ZNF112: variants seen among roughly 807,000 people sequenced by gnomAD.
The protein encoded by ZNF112 is zinc finger protein 112 (Y14).
ZNF112 carries 37 observed loss-of-function variants against 77.7 expected under a neutral mutation model. The ratio of observed to expected loss-of-function variants is 0.48; its 90% confidence interval spans 0.37 to 0.63. ZNF112 has a LOEUF of 0.63. Ranked by LOEUF, ZNF112 falls within the 20% of genes least tolerant of loss-of-function variation. The pLI is 0.00. For synonymous variants in ZNF112, 333 were observed against 363.6 expected (o/e 0.92, Z 0.96); for missense variants, 950 against 1,077.4 (o/e 0.88, Z 1.66).
rs746134196 is a variant in ZNF112 at position 44,328,477 on chromosome 19, T to C, written c.1680A>G (p.Ser560=). 7 of 1,614,002 alleles carry C rather than the reference T, an allele frequency of 4.3e-6. No homozygotes were observed. Among genetic ancestry groups the C allele is most frequent in the African/African-American group, 4.0e-5 (3 of 74,930 alleles). Residue 560 remains serine, a synonymous_variant, in exon 4 of 4, where the codon TCA becomes TCG. Transcript: ENST00000354340. ...GGACTCTCTGATGGGCTTGAAGATA[T>C]GAACTCCGACTGAATCCCTTATCAC... ...EECDKGFSRS[S]YLQAHQRVHT... is the part of the protein sequence containing the mutation.
intron 1 of ZNF112, among the ~76,000 whole-genome samples, chr19:44,344,224 C>A (rs776269350): frequency 2.0e-5 from 3 of 152,130 alleles, no homozygotes; most frequent in Admixed American, 6.5e-5. Flanking sequence ...TGTGGGGCTG[C>A]GTGTGCTCCT....
chr19:44,360,113 G>A (rs145785016), upstream of ZNF112, among the ~76,000 whole-genome samples: 5,507 of 146,318 alleles, frequency 0.038, 334 homozygotes, highest in African/African-American at 0.13. Flanking sequence ...AAAAAAAGCC[G>A]GGCATGGTGG....
chr19:44,345,898 T>C (rs1244323823), intron 1 of ZNF112, among the ~76,000 whole-genome samples: 1 of 152,214 alleles, frequency 6.6e-6, no homozygotes, highest in African/African-American at 2.4e-5. Context: ...AAAGGACAGA[T>C]AGTGAGTATT....
chr19:44,335,440 A>G (rs1970348392), intron 3 of ZNF112, among the ~76,000 whole-genome samples: 1 of 152,250 alleles, frequency 6.6e-6, no homozygotes, highest in Admixed American at 6.5e-5. Flanking sequence ...AAGAATGTAC[A>G]TAACAAATTT....
At chr19:44,340,176 TG>T (rs1207500796) in intron 2 of ZNF112, among the ~76,000 whole-genome samples, 5 of 152,148 alleles carry the variant, frequency 3.3e-5, no homozygotes, top group African/African-American at 1.2e-4. Flanking sequence ...CTTACTAACC[TG>T]GAACAACTTA....
chr19:44,329,658 C>T lies in ZNF112; in HGVS notation c.499G>A (p.Gly167Arg). 1.9e-6 allele frequency: 3 copies of T among 1,614,108 alleles called. No homozygotes were observed. Among genetic ancestry groups the T allele is most frequent in the Non-Finnish European group, 2.5e-6 (3 of 1,180,006 alleles). Residue 167 changes from glycine to arginine, a missense_variant, in exon 4 of 4, where the codon GGG becomes AGG. Physicochemically the swap from Gly to Arg is moderately radical, Grantham distance 125. This residue lies in a region of ZNF112 where 560 missense variants were observed against 557.3 expected (regional missense o/e 1.00). Coordinates refer to ENST00000354340, the MANE Select transcript of ZNF112 (RefSeq NM_013380.4). ...TGATGTGCCCTCCAAGATGGATACC[C>T]TTGACTTTTTATATAATTGGAGCCA... ...GNGSNYIKSQ[G>R]YPSWRAHHSW...
Position 44,355,942 on chromosome 19 carries a change from T to C in ZNF112, c.-4+684A>G, listed in dbSNP as rs186127313. On this transcript the variant is annotated intron_variant, in intron 1 of 3. Coordinates refer to ENST00000354340, the MANE Select transcript of ZNF112 (RefSeq NM_013380.4). ...AAGTGCCAAAGGGTCATTCCCTCCT[T>C]CTCCCTGCAGCCTTTTTCAAGAAGT... Among the ~76,000 whole-genome samples the C allele has an allele frequency of 2.0e-3, 308 of 152,222 alleles. 6 individuals are homozygous for C. The highest frequency in any genetic ancestry group is 7.2e-4 in the Non-Finnish European group (49 of 68,004).
At chr19:44,352,977 C>A (rs767300981) in intron 1 of ZNF112, among the ~76,000 whole-genome samples, 1 of 151,940 alleles carries the variant, frequency 6.6e-6, no homozygotes, top group Non-Finnish European at 1.5e-5. Flanking sequence ...TATAAATAAG[C>A]TGATTCTAAA....
At chr19:44,363,404 G>C (rs1344402586) in intron 1 of ZNF112, among the ~76,000 whole-genome samples, 1 of 152,096 alleles carries the variant, frequency 6.6e-6, no homozygotes, top group African/African-American at 2.4e-5. Flanking sequence ...TTATCCATCA[G>C]AACATTAACA....
chr19:44,359,393 G>T (rs1408663954), upstream of ZNF112, among the ~76,000 whole-genome samples: 12 of 132,844 alleles, frequency 9.0e-5, no homozygotes, highest in African/African-American at 3.6e-4. Context: ...GTGCCATCTC[G>T]GTTCACTGCA....
chr19:44,340,895 CAT>C (rs1970477320), intron 1 of ZNF112, among the ~76,000 whole-genome samples: 1 of 152,266 alleles, frequency 6.6e-6, no homozygotes, highest in East Asian at 1.9e-4. Context: ...CACACACACA[CAT>C]CACTTATTTA....
chr19:44,341,152 A>T (rs1275819187), intron 1 of ZNF112: 2 of 456,610 alleles, frequency 4.4e-6, no homozygotes, highest in Non-Finnish European at 8.8e-6. Context: ...CATGTAAAGC[A>T]TGGAAAACAG....
chr19:44,348,376 A>AT (rs759215801), intron 1 of ZNF112, among the ~76,000 whole-genome samples: 2 of 151,566 alleles, frequency 1.3e-5, no homozygotes, highest in Admixed American at 6.6e-5. Flanking sequence ...TTATTTTTCA[A>AT]TTTTTTTTCT....
chr19:44,351,447 T>G (rs977573599), intron 1 of ZNF112, among the ~76,000 whole-genome samples: 1 of 152,156 alleles, frequency 6.6e-6, no homozygotes, highest in Admixed American at 6.6e-5. Context: ...AGGACCTATT[T>G]GTTTAAAAAA....
chr19:44,367,090 A>G, exon 1 of ZNF112: 1 of 456,124 alleles, frequency 2.2e-6, no homozygotes, highest in South Asian at 1.5e-5. Context: ...CCTGGGGCCC[A>G]ACCCCATCTT....
At chr19:44,361,238 G>A (rs1970852574), upstream of ZNF112, among the ~76,000 whole-genome samples, 1 of 152,142 alleles carries the variant, frequency 6.6e-6, no homozygotes, top group Admixed American at 6.5e-5. Flanking sequence ...TTTTTATGGG[G>A]AAGAAAGCAT....
At chr19:44,334,632 A>G (rs965043274) in intron 3 of ZNF112, among the ~76,000 whole-genome samples, 7 of 152,244 alleles carry the variant, frequency 4.6e-5, no homozygotes, top group Non-Finnish European at 4.4e-5. Flanking sequence ...CAGCTGAAGG[A>G]CACGGCACCC....
intron 1 of ZNF112, among the ~76,000 whole-genome samples, chr19:44,354,161 A>G (rs572027080): frequency 1.4e-4 from 22 of 152,264 alleles, no homozygotes; most frequent in African/African-American, 2.6e-4. Flanking sequence ...TCTCAAAAAG[A>G]CAAAACTATA....
At chr19:44,332,596 A>G (rs990919126) in intron 3 of ZNF112, among the ~76,000 whole-genome samples, 3 of 152,360 alleles carry the variant, frequency 2.0e-5, no homozygotes, top group Non-Finnish European at 4.4e-5. Context: ...AACACTCAAT[A>G]TACATCCATA....
Sources: gnomAD v4.1 joint callset for allele counts (sites outside exome capture counted in the v4.1 genomes callset) on GRCh38, gnomAD v4.1.1 for gene constraint, gnomAD v4.1.1 regional missense constraint, MANE v1.5 for transcripts, NCBI Gene and HGNC (gene_info 2026-07-23, HGNC 2026-07-21) for gene names.